The following SFXN5 variants were observed in gnomAD, a reference collection of about 807,000 sequenced individuals.
SFXN5 encodes sideroflexin 5.
SFXN5 carries 43 observed loss-of-function variants against 50.2 expected under a neutral mutation model. That is an observed-to-expected ratio of 0.86 (90% CI 0.67 to 1.11). The LOEUF (loss-of-function observed/expected upper bound fraction) is 1.11. Ranked by LOEUF, SFXN5 falls within the 50% of genes least tolerant of loss-of-function variation. SFXN5 has a pLI of 0.00. For synonymous variants in SFXN5, 203 were observed against 185.8 expected (o/e 1.09, Z -0.75); for missense variants, 463 against 454.1 (o/e 1.02, Z -0.18).
intron 2 of SFXN5, among the ~76,000 whole-genome samples, chr2:73,056,094 T>G (rs996443479): frequency 6.6e-6 from 1 of 152,154 alleles, no homozygotes; most frequent in Non-Finnish European, 1.5e-5. Context: ...GCTGAGAACA[T>G]GCCACTGCAC....
chr2:72,990,754 G>A (rs111400166), intron 9 of SFXN5, among the ~76,000 whole-genome samples: 2 of 152,214 alleles, frequency 1.3e-5, no homozygotes, highest in African/African-American at 4.8e-5. Flanking sequence ...CCAAAGCCTT[G>A]CTCCTAACCA....
intron 2 of SFXN5, among the ~76,000 whole-genome samples, chr2:73,050,420 A>ACACACC (rs1553523879): frequency 7.1e-6 from 1 of 140,676 alleles, no homozygotes; most frequent in African/African-American, 2.5e-5. Flanking sequence ...ACACACACAC[A>ACACACC]CCCCTGCAGA....
chr2:72,956,152 G>C (rs966569261), intron 13 of SFXN5, among the ~76,000 whole-genome samples: 2 of 152,208 alleles, frequency 1.3e-5, no homozygotes, highest in African/African-American at 4.8e-5. Flanking sequence ...CAGGCTGGTG[G>C]GGCAGGCCTA....
At chr2:73,045,204 G>A (rs572588277) in intron 2 of SFXN5, among the ~76,000 whole-genome samples, 2 of 152,266 alleles carry the variant, frequency 1.3e-5, no homozygotes, top group South Asian at 4.1e-4. Flanking sequence ...CAGAGTTGGT[G>A]AGTGACACCT....
intron 6 of SFXN5, among the ~76,000 whole-genome samples, chr2:73,008,463 T>G (rs1675036207): frequency 1.3e-5 from 2 of 152,074 alleles, no homozygotes; most frequent in Admixed American, 6.5e-5. Flanking sequence ...ACCCAGGCCC[T>G]GGCATCCGAG....
intron 6 of SFXN5, among the ~76,000 whole-genome samples, chr2:73,018,010 C>T (rs542283984): frequency 6.6e-6 from 1 of 152,144 alleles, no homozygotes; most frequent in South Asian, 2.1e-4. Flanking sequence ...TCAAGACAAG[C>T]CTGGGCAACA....
chr2:73,028,531 A>G (rs2105869702), intron 3 of SFXN5, among the ~76,000 whole-genome samples: 2 of 152,350 alleles, frequency 1.3e-5, no homozygotes, highest in Middle Eastern at 3.4e-3. Flanking sequence ...AAGGAAGAGA[A>G]ACATTAAATA....
chr2:72,967,118 T>G (rs1259842131), intron 12 of SFXN5: 3 of 152,226 alleles, frequency 2.0e-5, no homozygotes, highest in Non-Finnish European at 4.4e-5. Flanking sequence ...ATAGCCTGTC[T>G]TTGCCTTCCT....
intron 13 of SFXN5, among the ~76,000 whole-genome samples, chr2:72,957,736 A>G (rs1355491451): frequency 6.6e-6 from 1 of 152,236 alleles, no homozygotes; most frequent in Non-Finnish European, 1.5e-5. Context: ...TGCGGAAACA[A>G]GGCCCTCTCG....
intron 1 of SFXN5, among the ~76,000 whole-genome samples, chr2:73,065,011 T>C (rs1480831149): frequency 6.6e-6 from 1 of 152,146 alleles, no homozygotes; most frequent in East Asian, 1.9e-4. Context: ...GGTCTCAAAC[T>C]TCTGGGATCA....
intron 13 of SFXN5, among the ~76,000 whole-genome samples, chr2:72,955,488 G>A (rs1032246145): frequency 7.9e-5 from 12 of 152,228 alleles, no homozygotes; most frequent in African/African-American, 2.7e-4. Flanking sequence ...GGGAGAGCCC[G>A]AGAGGAATCA....
In SFXN5 at chr2:72,962,843, C is replaced by T. The variant is rs563742798; in HGVS notation, c.828-1595G>A. ...GCAAGGTTTGTCCAGCTGCTAAATC[C>T]GGCCTGAATTAAGCTATTGGAAAGG... is the stretch of plus-strand genomic sequence containing the variant. On this transcript the variant is annotated intron_variant, in intron 12 of 13. Transcript: ENST00000272433. Among the ~76,000 whole-genome samples, 41 of 152,308 alleles carry T rather than the reference C, an allele frequency of 2.7e-4. 1 individual carries two copies. The highest frequency in any genetic ancestry group is 9.4e-4 in the African/African-American group (39 of 41,560).
In SFXN5 at chr2:73,023,301, C is replaced by G. The variant is rs774967580; in HGVS notation, c.250-87G>C. On this transcript the variant is annotated intron_variant, in intron 3 of 13. Coordinates refer to ENST00000272433, the MANE Select transcript of SFXN5 (RefSeq NM_144579.3). Reference sequence around the variant, plus strand: ...AGGCTTCCAACCCATGTTTTCTAACCAAGGGATCCAGCTCCGAAAGCCCGA... The same window carrying G: ...AGGCTTCCAACCCATGTTTTCTAACGAAGGGATCCAGCTCCGAAAGCCCGA... 4.2e-4 allele frequency: 578 copies of G among 1,361,156 alleles called. 1 individual carries two copies. Among genetic ancestry groups the G allele is most frequent in the Non-Finnish European group, 5.4e-4 (537 of 996,130 alleles). 84.3% of individuals were successfully genotyped at this position (1,361,156 alleles called of 1,614,324 possible).
intron 11 of SFXN5, 123 bp from the exon 12 acceptor site, chr2:72,968,656 G>T: frequency 2.2e-5 from 16 of 739,128 alleles, no homozygotes; most frequent in East Asian, 3.3e-5. Context: ...TTATTCATGG[G>T]ATTGCTCAGG....
At chr2:73,068,209 T>C (rs1376537241) in intron 1 of SFXN5, among the ~76,000 whole-genome samples, 1 of 152,188 alleles carries the variant, frequency 6.6e-6, no homozygotes, top group African/African-American at 2.4e-5. Context: ...GTGAGATTAA[T>C]TGGGGAATAA....
Position 72,973,478 on chromosome 2 carries a change from C to T in SFXN5, c.626-1793G>A, listed in dbSNP as rs947301160. ...GCTAAACATCTCGCAAGGCACAGGA[C>T]AGTCCCCCCACCAAAGGATCATCTG... On this transcript the variant is annotated intron_variant, in intron 10 of 13. Coordinates refer to ENST00000272433, the MANE Select transcript of SFXN5 (RefSeq NM_144579.3). The surrounding 1 kb of genome is among the most constrained non-coding windows in gnomAD (Gnocchi z 5.5). 5.9e-6 allele frequency: 1 copy of T among 170,130 alleles called. No homozygotes were observed. The allele number at this position is 170,130 out of a possible 1,614,324, so 10.5% of individuals were successfully genotyped here.
At chr2:73,060,952 C>T (rs913494443) in intron 1 of SFXN5, among the ~76,000 whole-genome samples, 1 of 151,858 alleles carries the variant, frequency 6.6e-6, no homozygotes, top group East Asian at 2.0e-4. Flanking sequence ...CTGCCCACCT[C>T]GGCCTCCCGA....
In SFXN5 at chr2:73,040,965, C is replaced by T. The variant is rs759444812; in HGVS notation, c.172-34G>A. ...GAAAGAAAAGAGACATTGAGGGGCACAGATCCAGGGCTCCCGCAAATTTTT... is the reference window on the plus strand; with the variant it reads ...GAAAGAAAAGAGACATTGAGGGGCATAGATCCAGGGCTCCCGCAAATTTTT... On this transcript the variant is annotated intron_variant, in intron 2 of 13. Transcript: ENST00000272433. 2.5e-6 allele frequency: 4 copies of T among 1,595,230 alleles called. No homozygotes were observed. In the East Asian group the frequency reaches 8.9e-5, roughly 36 times the overall value.
intron 2 of SFXN5, among the ~76,000 whole-genome samples, chr2:73,050,562 G>C (rs996568169): frequency 6.6e-5 from 10 of 152,172 alleles, no homozygotes; most frequent in African/African-American, 2.4e-4. Flanking sequence ...AGTGGGCAGA[G>C]ACAAGGGGCA....
Sources: allele counts gnomAD v4.1 joint callset (sites outside exome capture counted in the v4.1 genomes callset), GRCh38; gene constraint gnomAD v4.1.1; non-coding constraint Gnocchi (gnomAD v3.1); transcripts MANE v1.5; gene names NCBI Gene and HGNC (gene_info 2026-07-23, HGNC 2026-07-21).